TNFRSF10B: variants seen among roughly 807,000 people sequenced by gnomAD.
TNFRSF10B encodes tumor necrosis factor receptor superfamily member 10B.
In TNFRSF10B, 35 loss-of-function variants were observed where a neutral mutation model predicts 41.4. The observed-to-expected ratio is 0.85, with a 90% CI of 0.65 to 1.12. The LOEUF (loss-of-function observed/expected upper bound fraction) is 1.12, where lower values mean the gene tolerates loss of function less well. Among genes scored for constraint, TNFRSF10B ranks in the 50% most tolerant of loss-of-function variants. The pLI is 0.00. For synonymous variants in TNFRSF10B, 230 were observed against 215.5 expected (o/e 1.07, Z -0.59); for missense variants, 584 against 552.7 (o/e 1.06, Z -0.57).
intron 1 of TNFRSF10B, chr8:23,068,519 G>A (rs928370401): frequency 8.1e-6 from 5 of 614,874 alleles, no homozygotes; most frequent in Non-Finnish European, 1.1e-5. Context: ...CACTGGATTC[G>A]GGAATTTACA....
At chr8:23,048,296 C>T (rs984771751) in intron 1 of TNFRSF10B, among the ~76,000 whole-genome samples, 2 of 151,864 alleles carry the variant, frequency 1.3e-5, no homozygotes, top group African/African-American at 2.4e-5. Flanking sequence ...ATTAGCTGGG[C>T]GTGGTGGTGG....
chr8:23,064,403 C>G (rs1011168485), intron 1 of TNFRSF10B, among the ~76,000 whole-genome samples: 1 of 152,184 alleles, frequency 6.6e-6, no homozygotes, highest in Admixed American at 6.5e-5. Context: ...CTGTGCAGGA[C>G]GAGGCTGTGC....
rs745920456 is a variant in TNFRSF10B, at chr8:23,068,735, C to T, written c.144+16G>A. The T allele has an allele frequency of 6.4e-7, 1 of 1,564,428 alleles. No homozygotes were observed. ...GGCACGCTCTTCCCCAGCCAGGGAC[C>T]GCGGCGGGGACTCACCAACAGCAGG... On this transcript the variant is annotated intron_variant, in intron 1 of 8. Coordinates refer to ENST00000276431, the MANE Select transcript of TNFRSF10B (RefSeq NM_003842.5).
intron 1 of TNFRSF10B, among the ~76,000 whole-genome samples, chr8:23,058,293 T>C (rs890236124): frequency 1.3e-5 from 2 of 152,170 alleles, no homozygotes; most frequent in Admixed American, 6.6e-5. Flanking sequence ...TAAGTCTTGC[T>C]TTTTCATCCT....
At chr8:23,023,871 G>T (rs1420497848) in intron 8 of TNFRSF10B, among the ~76,000 whole-genome samples, 1 of 152,206 alleles carries the variant, frequency 6.6e-6, no homozygotes, top group African/African-American at 2.4e-5. Flanking sequence ...GGTTAGTGGT[G>T]CTGTGCAGGA....
intron 7 of TNFRSF10B, among the ~76,000 whole-genome samples, chr8:23,026,485 A>T (rs1811705478): frequency 6.6e-6 from 1 of 152,236 alleles, no homozygotes; most frequent in South Asian, 2.1e-4. Context: ...TGTTTAGATT[A>T]TATTGCTGTA....
intron 7 of TNFRSF10B, among the ~76,000 whole-genome samples, chr8:23,025,428 G>A (rs1240282305): frequency 1.3e-5 from 2 of 151,900 alleles, no homozygotes; most frequent in Admixed American, 6.6e-5. Flanking sequence ...GGGCGGGAGG[G>A]GTACTAGAGA....
chr8:23,052,666 A>G (rs1286086331), intron 1 of TNFRSF10B, among the ~76,000 whole-genome samples: 1 of 152,264 alleles, frequency 6.6e-6, no homozygotes, highest in African/African-American at 2.4e-5. Context: ...AGGAAATAAG[A>G]GAGATATACA....
At chr8:23,062,530 C>T (rs1268807289) in intron 1 of TNFRSF10B, among the ~76,000 whole-genome samples, 3 of 152,146 alleles carry the variant, frequency 2.0e-5, no homozygotes, top group Admixed American at 2.0e-4. Context: ...TACTGTTTTT[C>T]TATTCTCTGT....
chr8:23,057,690 C>T (rs1227387149), intron 1 of TNFRSF10B, among the ~76,000 whole-genome samples: 1 of 152,064 alleles, frequency 6.6e-6, no homozygotes, highest in African/African-American at 2.4e-5. Flanking sequence ...ACCTTGGCCT[C>T]CCAAAGTGCT....
intron 2 of TNFRSF10B, among the ~76,000 whole-genome samples, chr8:23,040,456 A>AAT (rs1342553062): frequency 0.067 from 5,498 of 81,696 alleles, 2,183 homozygotes; most frequent in South Asian, 0.32. Context: ...ATATTTATTA[A>AAT]ATATATATAC....
chr8:23,068,614 G>A, intron 1 of TNFRSF10B, 137 bp downstream of exon 1: 2 of 1,353,248 alleles, frequency 1.5e-6, no homozygotes, highest in South Asian at 1.4e-5. Context: ...CGACTCCGAC[G>A]ACTGGTGCGT....
chr8:23,030,215 A>C (rs980688993), intron 3 of TNFRSF10B, among the ~76,000 whole-genome samples: 10 of 152,166 alleles, frequency 6.6e-5, no homozygotes, highest in Admixed American at 3.9e-4. Flanking sequence ...AGCCCTGTCC[A>C]CTTGGCCTGG....
intron 2 of TNFRSF10B, among the ~76,000 whole-genome samples, chr8:23,037,612 C>T (rs1042415627): frequency 7.9e-5 from 12 of 152,184 alleles, no homozygotes; most frequent in African/African-American, 2.7e-4. Context: ...AAATGAAGCG[C>T]CCACTATAAT....
At chr8:23,058,795 C>T (rs1323808826) in intron 1 of TNFRSF10B, among the ~76,000 whole-genome samples, 1 of 152,056 alleles carries the variant, frequency 6.6e-6, no homozygotes, top group Non-Finnish European at 1.5e-5. Context: ...TGTGCATTGG[C>T]TTTTTAAATC....
At chr8:23,033,071 C>T (rs1343178024) in intron 2 of TNFRSF10B, among the ~76,000 whole-genome samples, 2 of 152,016 alleles carry the variant, frequency 1.3e-5, no homozygotes, top group Non-Finnish European at 2.9e-5. Context: ...ATTTAAAGTG[C>T]CAAGAAACAA....
At chr8:23,061,004 G>C (rs1585228216) in intron 1 of TNFRSF10B, among the ~76,000 whole-genome samples, 1 of 151,856 alleles carries the variant, frequency 6.6e-6, no homozygotes, top group Non-Finnish European at 1.5e-5. Context: ...ATTCATTTTA[G>C]TACTACTAAA....
At chr8:23,035,530 G>A (rs1394442991) in intron 2 of TNFRSF10B, among the ~76,000 whole-genome samples, 5 of 152,134 alleles carry the variant, frequency 3.3e-5, no homozygotes, top group East Asian at 1.9e-4. Flanking sequence ...TGAACCTCAC[G>A]AGCAAGAAGT....
rs946126807 is a variant in TNFRSF10B at position 23,021,136 on chromosome 8, A to C, written c.*1535T>G. The C allele has an allele frequency of 4.4e-6, 2 of 453,988 alleles. No homozygotes were observed. The highest frequency in any genetic ancestry group is 2.0e-5 in the African/African-American group (1 of 49,994). The allele number at this position is 453,988 out of a possible 1,614,324, so 28.1% of individuals were successfully genotyped here. On this transcript the variant is annotated 3_prime_UTR_variant, in exon 9 of 9. Coordinates refer to ENST00000276431, the MANE Select transcript of TNFRSF10B (RefSeq NM_003842.5). The stretch of plus-strand genomic sequence containing the variant: ...GCATAAATGATCCTTCCATGACTGA[A>C]ATACTATGGAGAAGGGTTTGCTGGA...
Sources: allele counts gnomAD v4.1 joint callset (sites outside exome capture counted in the v4.1 genomes callset), GRCh38; gene constraint gnomAD v4.1.1; transcripts MANE v1.5; gene names NCBI Gene and HGNC (gene_info 2026-07-23, HGNC 2026-07-21).